DYSF: variants seen among roughly 807,000 people sequenced by gnomAD.
The protein encoded by DYSF is dystrophy-associated fer-1-like 1.
In DYSF, 212 loss-of-function variants were observed where a neutral mutation model predicts 274.9. That is an observed-to-expected ratio of 0.77 (90% CI 0.69 to 0.86). The LOEUF is 0.86. Ranked by LOEUF, DYSF falls within the 40% of genes least tolerant of loss-of-function variation. The probability of loss-of-function intolerance (pLI) is 0.00; values close to 1 mark genes in which losing one functional copy is unlikely to be tolerated. For missense variants in DYSF, 2,666 were observed against 2,783.2 expected, an observed-to-expected ratio of 0.96 and a Z score of 0.95; for synonymous variants, 1,091 against 1,078.7, an observed-to-expected ratio of 1.01 and a Z score of -0.22.
rs552866830 is a variant in DYSF at position 71,466,997 on chromosome 2, G to A, written c.91+64G>A. 129 of 1,529,284 alleles carry A rather than the reference G, an allele frequency of 8.4e-5. 2 individuals are homozygous for A. In the African/African-American group the frequency reaches 1.1e-3, roughly 13 times the overall value. The allele number at this position is 1,529,284 out of a possible 1,614,324, so 94.7% of individuals were successfully genotyped here. A position where few individuals can be genotyped will look rare whatever the true frequency, so the allele number is the denominator to read the frequency against. On this transcript the variant is annotated intron_variant, in intron 1 of 55. Coordinates refer to ENST00000410020, the MANE Select transcript of DYSF (RefSeq NM_001130987.2). ...TACCCGACTCTCGGCGCTCACTGGC[G>A]GGTCTGAAGCCCCTGCTCCGGAGCT...
At chr2:71,487,159 T>C (rs1197380885) in intron 3 of DYSF, among the ~76,000 whole-genome samples, 1 of 152,214 alleles carries the variant, frequency 6.6e-6, no homozygotes, top group African/African-American at 2.4e-5. Context: ...TAGAACTTTC[T>C]GAGATGATGG....
At chr2:71,638,361 C>CAAAAAAAAAAAAAA (rs34513312) in intron 41 of DYSF, among the ~76,000 whole-genome samples, 1 of 130,168 alleles carries the variant, frequency 7.7e-6, no homozygotes, top group Non-Finnish European at 1.6e-5. Flanking sequence ...CTCATCACTG[C>CAAAAAAAAAAAAAA]AAAAAAAAAA....
At chr2:71,618,573 T>TGGGGTACAGTTGTGTGTGTGTGGTA (rs2093997827) in intron 40 of DYSF, among the ~76,000 whole-genome samples, 1 of 91,680 alleles carries the variant, frequency 1.1e-5, no homozygotes, top group African/African-American at 3.5e-5. Context: ...TGTGTTTGTG[T>TGGGGTACAGTTGTGTGTGTGTGGTA]GGGGTAGAGT....
chr2:71,558,977 C>T (rs543485477), intron 22 of DYSF, among the ~76,000 whole-genome samples: 5 of 152,286 alleles, frequency 3.3e-5, no homozygotes, highest in African/African-American at 7.2e-5. Context: ...GGGCCCTGAG[C>T]GAACTCAGGC....
intron 24 of DYSF, among the ~76,000 whole-genome samples, chr2:71,566,536 A>C (rs2092118516): frequency 6.6e-6 from 1 of 151,472 alleles, no homozygotes; most frequent in Non-Finnish European, 1.5e-5. Flanking sequence ...GCACCAGCAG[A>C]GAGAGAGAGG....
chr2:71,538,868 C>T (rs538935402), intron 16 of DYSF, among the ~76,000 whole-genome samples: 3 of 152,142 alleles, frequency 2.0e-5, no homozygotes, highest in Non-Finnish European at 2.9e-5. Flanking sequence ...CCTGCAGATG[C>T]GTCTGTAGAG....
chr2:71,548,477 A>G (rs893379638), intron 17 of DYSF, among the ~76,000 whole-genome samples: 2 of 152,112 alleles, frequency 1.3e-5, no homozygotes, highest in African/African-American at 4.8e-5. Flanking sequence ...ACTGTTGGAG[A>G]AGGAGAATGG....
intron 14 of DYSF, among the ~76,000 whole-genome samples, chr2:71,534,628 C>A (rs1559098586): frequency 6.6e-6 from 1 of 152,162 alleles, no homozygotes; most frequent in East Asian, 1.9e-4. Flanking sequence ...GGGTAATGGG[C>A]AAAAGAGCCT....
At chr2:71,674,411 C>A in intron 52 of DYSF, 115 bp downstream of exon 52, 1 of 989,640 alleles carries the variant, frequency 1.0e-6, no homozygotes, top group South Asian at 1.4e-5. Flanking sequence ...AGTGATCCCA[C>A]TTTCTGCTTT....
At chr2:71,663,373 C>G (rs544883742) in intron 45 of DYSF, among the ~76,000 whole-genome samples, 4 of 152,238 alleles carry the variant, frequency 2.6e-5, no homozygotes, top group Non-Finnish European at 5.9e-5. Context: ...ATGGTCAACT[C>G]CACAATCTCT....
chr2:71,590,155 G>C (rs1024508076), intron 31 of DYSF, 56 bp from the exon 32 acceptor site: 1 of 1,590,702 alleles, frequency 6.3e-7, no homozygotes, highest in Non-Finnish European at 8.6e-7. Context: ...CCGAGCCCCA[G>C]CTCTTAACCA....
chr2:71,459,298 G>C (rs1305602383), intron 1 of DYSF, among the ~76,000 whole-genome samples: 1 of 152,210 alleles, frequency 6.6e-6, no homozygotes, highest in Admixed American at 6.5e-5. Flanking sequence ...AACATTAGGA[G>C]AATGTGGCCA....
chr2:71,569,922 C>T lies in DYSF; in HGVS notation c.2967C>T (p.Asn989=), dbSNP rs932028347. ...PGGQWIYMSD[N]YTDVNGEKVL... ...GCCAGTGGATCTACATGAGTGACAA[C>T]TACACCGATGTGGTAAAGCAGGCAC... The change falls in exon 27 of 56, where the codon AAC becomes AAT. Residue 989 remains asparagine, a synonymous_variant. Transcript: ENST00000410020. The T allele has an allele frequency of 1.9e-6, 3 of 1,614,018 alleles. No homozygotes were observed. Among genetic ancestry groups the T allele is most frequent in the Non-Finnish European group, 2.5e-6 (3 of 1,179,950 alleles).
chr2:71,684,863 C>G (rs951249662), intron 55 of DYSF, among the ~76,000 whole-genome samples: 2 of 152,234 alleles, frequency 1.3e-5, no homozygotes, highest in Admixed American at 1.3e-4. Flanking sequence ...GAGGAAGGGG[C>G]TGCACTAGGT....
chr2:71,494,510 T>G (rs1263302136), intron 3 of DYSF, among the ~76,000 whole-genome samples: 5 of 152,262 alleles, frequency 3.3e-5, no homozygotes, highest in African/African-American at 9.6e-5. Context: ...GGATGATCCT[T>G]GCCTGATCCA....
At chr2:71,620,908 C>T (rs2094082051) in intron 41 of DYSF, among the ~76,000 whole-genome samples, 1 of 152,026 alleles carries the variant, frequency 6.6e-6, no homozygotes, top group African/African-American at 2.4e-5. Context: ...GGAAATCTCT[C>T]AATTAGACTC....
At chr2:71,525,876 T>C (rs568925578) in intron 12 of DYSF, among the ~76,000 whole-genome samples, 1 of 152,248 alleles carries the variant, frequency 6.6e-6, no homozygotes, top group African/African-American at 2.4e-5. Context: ...AGCTTAGACC[T>C]CAGTTACTAC....
chr2:71,542,126 A>G (rs1438507460), intron 17 of DYSF, among the ~76,000 whole-genome samples: 1 of 152,222 alleles, frequency 6.6e-6, no homozygotes, highest in Non-Finnish European at 1.5e-5. Flanking sequence ...GAGTTGCTCC[A>G]GTCTCCGTAA....
chr2:71,681,975 G>A (rs991247559), intron 54 of DYSF, among the ~76,000 whole-genome samples: 3 of 152,182 alleles, frequency 2.0e-5, no homozygotes, highest in African/African-American at 7.2e-5. Context: ...ATGTTAACGG[G>A]GCCATGATGG....
Sources: allele counts gnomAD v4.1 joint callset (sites outside exome capture counted in the v4.1 genomes callset), GRCh38; gene constraint gnomAD v4.1.1; transcripts MANE v1.5; gene names NCBI Gene and HGNC (gene_info 2026-07-23, HGNC 2026-07-21).